KCNU1: variants seen among roughly 807,000 people sequenced by gnomAD.
KCNU1 encodes the protein potassium channel subfamily U member 1.
A neutral mutation model predicts 126.8 loss-of-function variants in KCNU1; 93 were observed. That is an observed-to-expected ratio of 0.73 (90% CI 0.62 to 0.87). KCNU1 has a LOEUF of 0.87. KCNU1 is among the 40% of genes least tolerant of loss of function. The pLI is 0.00. For synonymous variants in KCNU1, 523 were observed against 494.2 expected, an observed-to-expected ratio of 1.06 and a Z score of -0.77; for missense variants, 1,330 against 1,367.1, an observed-to-expected ratio of 0.97 and a Z score of 0.43.
intron 19 of KCNU1, among the ~76,000 whole-genome samples, chr8:36,884,950 G>T (rs1205161730): frequency 6.6e-6 from 1 of 152,140 alleles, no homozygotes; most frequent in Admixed American, 6.6e-5. Flanking sequence ...CTGAAAATTG[G>T]AGACTTTTCT....
rs141720284 is a variant in KCNU1, at chr8:36,887,729, T to A, written c.2010-17979T>A. Among the ~76,000 whole-genome samples the A allele has an allele frequency of 1.4e-3, 210 of 152,266 alleles. 1 individual carries two copies. The highest frequency in any genetic ancestry group is 0.01 in the Middle Eastern group (3 of 294). On this transcript the variant is annotated intron_variant, in intron 19 of 26. Transcript: ENST00000399881. ...TGTTTTAATATTGCTCATCTTGAGG[T>A]CAGTGCTTGTTTAGCTGCTAGAGAA... is the stretch of plus-strand genomic sequence containing the variant.
chr8:36,873,503 A>G (rs1179095723), intron 19 of KCNU1, among the ~76,000 whole-genome samples: 2 of 152,194 alleles, frequency 1.3e-5, no homozygotes, highest in Non-Finnish European at 2.9e-5. Flanking sequence ...ACGTTTTAAA[A>G]TAAACATCAG....
At chr8:36,788,817 G>A (rs938680280) in intron 2 of KCNU1, among the ~76,000 whole-genome samples, 1 of 152,130 alleles carries the variant, frequency 6.6e-6, no homozygotes, top group Non-Finnish European at 1.5e-5. Flanking sequence ...AAATGTTCAA[G>A]TCATGTTTGT....
intron 16 of KCNU1, 94 bp downstream of exon 16, chr8:36,841,097 A>G (rs1283044684): frequency 4.8e-6 from 4 of 833,200 alleles, no homozygotes; most frequent in Non-Finnish European, 1.9e-6. Flanking sequence ...CCAAAGATGC[A>G]GCTATAACTA....
At chr8:36,819,727 T>A (rs1040541843) in intron 10 of KCNU1, among the ~76,000 whole-genome samples, 3 of 152,158 alleles carry the variant, frequency 2.0e-5, no homozygotes, top group Non-Finnish European at 2.9e-5. Context: ...TCTATCTCAT[T>A]ACTCTATTTT....
At chr8:36,887,279 T>C (rs1806743866) in intron 19 of KCNU1, among the ~76,000 whole-genome samples, 1 of 152,116 alleles carries the variant, frequency 6.6e-6, no homozygotes, top group Non-Finnish European at 1.5e-5. Flanking sequence ...TGTAGAAGCA[T>C]TCCCTTTTTG....
chr8:36,803,293 A>G lies in KCNU1; in HGVS notation c.316-734A>G, dbSNP rs552208828. ...TCCAGAGTTTCATTATTAGAATTAC[A>G]CTGGACTGAACATGTTCAAAAGCTG... On this transcript the variant is annotated intron_variant, in intron 2 of 26. Transcript: ENST00000399881. Among the ~76,000 whole-genome samples the G allele has an allele frequency of 3.9e-5, 6 of 152,346 alleles. No homozygotes were observed. In the East Asian group the frequency reaches 9.6e-4, roughly 24 times the overall value.
rs1420943164 is a variant in KCNU1, at chr8:36,805,142, G to A, written c.378-53G>A. The A allele has an allele frequency of 3.8e-6, 5 of 1,327,494 alleles. No individual in the cohort carries two copies. The Admixed American group carries it at 9.5e-5, about 25-fold the overall frequency. The allele number at this position is 1,327,494 out of a possible 1,614,324, so 82.2% of individuals were successfully genotyped here. ...CTTTCCCTTTAGTTGGTCTTATATA[G>A]ACACCACTTTAAAAATGTTGATCTT... On this transcript the variant is annotated intron_variant, in intron 3 of 26. Transcript: ENST00000399881.
intron 19 of KCNU1, among the ~76,000 whole-genome samples, chr8:36,865,364 A>G (rs1245606310): frequency 3.9e-5 from 6 of 152,170 alleles, no homozygotes; most frequent in Non-Finnish European, 7.4e-5. Flanking sequence ...GCATTTATTC[A>G]AAGAAAACAA....
intron 19 of KCNU1, among the ~76,000 whole-genome samples, chr8:36,875,247 T>C (rs1216875347): frequency 6.6e-6 from 1 of 151,496 alleles, no homozygotes; most frequent in East Asian, 1.9e-4. Context: ...GGGAAAGATT[T>C]TGGTGTTGAT....
At position 36,834,908 on chromosome 8, in the gene KCNU1, T is replaced by A; in HGVS notation, c.1295+40T>A. On this transcript the variant is annotated intron_variant, in intron 12 of 26. Coordinates refer to ENST00000399881, the MANE Select transcript of KCNU1 (RefSeq NM_001031836.3). ...TTTGTATGCTATAACGATTATTTTTTTCTATCTCTTTTAAAGTAATGCCCG... is the reference window on the plus strand; with the variant it reads ...TTTGTATGCTATAACGATTATTTTTATCTATCTCTTTTAAAGTAATGCCCG... 3 of 1,342,676 alleles carry A rather than the reference T, an allele frequency of 2.2e-6. No homozygotes were observed. The South Asian group carries it at 3.7e-5, about 17-fold the overall frequency. 83.2% of individuals were successfully genotyped at this position (1,342,676 alleles called of 1,614,324 possible).
Position 36,809,803 on chromosome 8 carries a change from A to C in KCNU1, c.732+1010A>C, listed in dbSNP as rs545528661. 1.2e-4 allele frequency among the ~76,000 whole-genome samples: 19 copies of C among 152,272 alleles called. No homozygotes were observed. In the East Asian group the frequency reaches 2.7e-3, roughly 22 times the overall value. ...AGGACTTTTTTTTCTTTTTCCTTTA[A>C]TAGCTGTTTCAATGAGGGGCTCAAA... On this transcript the variant is annotated intron_variant, in intron 7 of 26. Transcript: ENST00000399881.
chr8:36,802,166 A>G (rs185906258), intron 2 of KCNU1, among the ~76,000 whole-genome samples: 2,149 of 151,474 alleles, frequency 0.014, 51 homozygotes, highest in African/African-American at 0.048. Flanking sequence ...CCCCAACACT[A>G]CCACTTACAA....
intron 24 of KCNU1, among the ~76,000 whole-genome samples, chr8:36,929,211 G>T (rs1008170812): frequency 3.3e-5 from 5 of 151,844 alleles, no homozygotes; most frequent in African/African-American, 9.7e-5. Flanking sequence ...GCAAAACCAT[G>T]TTTCTACTAA....
Position 36,909,516 on chromosome 8 carries a change from C to T in KCNU1, c.2312C>T (p.Pro771Leu). ...QREWRFLWNF[P>L]QIYILPGCAL... ...GAATGGCGATTTCTCTGGAATTTTC[C>T]CCAGATATACATTCTGCCTGTAAGT... Residue 771 changes from proline (P) to leucine (L), a missense_variant, in exon 21 of 27, where the codon CCC (proline) becomes CTC (leucine). This residue lies in a region of KCNU1 where 1,054 missense variants were observed against 1,053.9 expected (regional missense o/e 1.00). Transcript: ENST00000399881. The T allele has an allele frequency of 6.3e-7, 1 of 1,597,482 alleles. No individual in the cohort carries two copies. The highest frequency in any genetic ancestry group is 8.6e-7 in the Non-Finnish European group (1 of 1,165,016).
intron 18 of KCNU1, among the ~76,000 whole-genome samples, chr8:36,856,124 TG>T (rs1305907012): frequency 1.3e-5 from 2 of 152,214 alleles, no homozygotes; most frequent in Non-Finnish European, 2.9e-5. Context: ...TCTTAAAATT[TG>T]TATTTGTTTA....
chr8:36,843,372 T>C (rs982013245), intron 16 of KCNU1, among the ~76,000 whole-genome samples: 1 of 152,238 alleles, frequency 6.6e-6, no homozygotes, highest in South Asian at 2.1e-4. Flanking sequence ...AATGTATTGA[T>C]AAGAACATTC....
At chr8:36,801,005 C>T (rs962618968) in intron 2 of KCNU1, among the ~76,000 whole-genome samples, 1 of 152,088 alleles carries the variant, frequency 6.6e-6, no homozygotes, top group African/African-American at 2.4e-5. Flanking sequence ...GTTTCTGGAC[C>T]TTAAAGCAGG....
intron 10 of KCNU1, 105 bp downstream of exon 10, chr8:36,817,865 G>A: frequency 6.8e-6 from 4 of 587,642 alleles, no homozygotes; most frequent in East Asian, 2.8e-5. Flanking sequence ...AGAAAAAGTA[G>A]GTATTGATCA....
Sources: gnomAD v4.1 joint callset for allele counts (sites outside exome capture counted in the v4.1 genomes callset) on GRCh38, gnomAD v4.1.1 for gene constraint, gnomAD v4.1.1 regional missense constraint, MANE v1.5 for transcripts, NCBI Gene and HGNC (gene_info 2026-07-23, HGNC 2026-07-21) for gene names.